MUC21: variants seen among roughly 807,000 people sequenced by gnomAD.
MUC21 encodes mucin-21.
In MUC21, 8 loss-of-function variants were observed where a neutral mutation model predicts 9.1. The observed-to-expected ratio is 0.88, with a 90% CI of 0.52 to 1.59. The LOEUF is 1.59. MUC21 is among the 40% of genes most tolerant of loss of function. The probability of loss-of-function intolerance (pLI) is 0.00; values close to 1 mark genes in which losing one functional copy is unlikely to be tolerated. For missense variants in MUC21, 478 were observed against 694.2 expected, an observed-to-expected ratio of 0.69 and a Z score of 3.50; for synonymous variants, 189 against 275.2, an observed-to-expected ratio of 0.69 and a Z score of 3.10.
At chr6:30,984,324 A>G (rs927025699) in intron 1 of MUC21, among the ~76,000 whole-genome samples, 1 of 152,150 alleles carries the variant, frequency 6.6e-6, no homozygotes, top group South Asian at 2.1e-4. Flanking sequence ...AACCTGTGTA[A>G]TATGGTTGGG....
intron 2 of MUC21, 150 bp downstream of exon 2, chr6:30,987,831 C>A: frequency 7.2e-7 from 1 of 1,385,504 alleles, no homozygotes; most frequent in Non-Finnish European, 9.7e-7. Context: ...TAGGTCAATG[C>A]AGAGGAAGCT....
rs1338198247 is a variant in MUC21 at position 30,988,396 on chromosome 6, A to G, written c.*202A>G. 1.8e-6 allele frequency: 1 copy of G among 562,224 alleles called. No homozygotes were observed. The allele number at this position is 562,224 out of a possible 1,614,324, so 34.8% of individuals were successfully genotyped here. On this transcript the variant is annotated 3_prime_UTR_variant, in exon 3 of 3. Coordinates refer to ENST00000376296, the MANE Select transcript of MUC21 (RefSeq NM_001010909.5). ...TATATTGCTCATTTAGCTAAGAAAT[A>G]AATACATCTCATCTAACACACACGA... is the stretch of plus-strand genomic sequence containing the variant.
intron 2 of MUC21, 50 bp from the exon 3 acceptor site, chr6:30,987,950 C>T (rs371324624): frequency 2.8e-4 from 273 of 980,036 alleles, no homozygotes; most frequent in Non-Finnish European, 3.6e-4. Flanking sequence ...GTGGTAAAGG[C>T]GTGGGAGACA....
chr6:30,987,033 C>G lies in MUC21; in HGVS notation c.858C>G (p.Thr286=), dbSNP rs770877749. ...STVSSGISTV[T]NSESSTPSSG... ...TGTCCAGTGGGATCAGCACAGTCAC[C>G]AATTCTGAGTCCAGCACACCCTCCA... is the stretch of plus-strand genomic sequence containing the variant. The change falls in exon 2 of 3, where the codon ACC becomes ACG. Residue 286 remains threonine (T), a synonymous_variant. Transcript: ENST00000376296. 6.2e-7 allele frequency: 1 copy of G among 1,605,984 alleles called. No individual in the cohort carries two copies. Among genetic ancestry groups the G allele is most frequent in the African/African-American group, 1.3e-5 (1 of 74,086 alleles).
Position 30,988,017 on chromosome 6 carries a change from G to C in MUC21, c.1524G>C (p.Leu508=). 1 of 1,260,866 alleles carries C rather than the reference G, an allele frequency of 7.9e-7. No individual in the cohort carries two copies. The highest frequency in any genetic ancestry group is 1.2e-6 in the Non-Finnish European group (1 of 858,616). The allele number at this position is 1,260,866 out of a possible 1,614,324, so 78.1% of individuals were successfully genotyped here. A position where few individuals can be genotyped will look rare whatever the true frequency, so the allele number is the denominator to read the frequency against. ...LFFCVRNSLS[L]RNTFNTAVYH... ...TTTTTTAGAGAAACAGCCTGTCCCTGAGAAACACCTTTAACACAGCTGTCT... is the reference window on the plus strand; with the variant it reads ...TTTTTTAGAGAAACAGCCTGTCCCTCAGAAACACCTTTAACACAGCTGTCT... The change falls in exon 3 of 3, where the codon CTG becomes CTC. Residue 508 remains leucine, a synonymous_variant. Coordinates refer to ENST00000376296, the MANE Select transcript of MUC21 (RefSeq NM_001010909.5).
Position 30,988,192 on chromosome 6 carries a change from T to C in MUC21, c.1699T>C (p.Ter567ArgextTer64). Residue 567 changes from the stop codon to arginine (R), a stop_lost, in exon 3 of 3, where the codon TGA becomes CGA. Coordinates refer to ENST00000376296, the MANE Select transcript of MUC21 (RefSeq NM_001010909.5). The part of the protein sequence containing the change: ...MEMSGRNSGP[*>R] ...GATGAGCGGGAGGAACAGCGGGCCC[T>C]GAGCAGCCCCGGAAGCAAGTGCCGC... The C allele has an allele frequency of 6.2e-7, 1 of 1,608,904 alleles. No homozygotes were observed. Among genetic ancestry groups the C allele is most frequent in the Non-Finnish European group, 8.5e-7 (1 of 1,178,624 alleles).
chr6:30,984,674 A>AAATAAAAT (rs1234538901), intron 1 of MUC21, among the ~76,000 whole-genome samples: 1 of 151,694 alleles, frequency 6.6e-6, no homozygotes, highest in Non-Finnish European at 1.5e-5. Flanking sequence ...TGTCTCAAAA[A>AAATAAAAT]AATAAAATAA....
intron 1 of MUC21, among the ~76,000 whole-genome samples, chr6:30,985,542 T>C (rs1050871219): frequency 4.6e-5 from 7 of 152,242 alleles, no homozygotes; most frequent in Non-Finnish European, 1.0e-4. Context: ...AATTGATCAG[T>C]ATATACTAGT....
intron 1 of MUC21, 59 bp from the exon 2 acceptor site, chr6:30,986,178 A>T: frequency 7.0e-7 from 1 of 1,423,426 alleles, no homozygotes; most frequent in Non-Finnish European, 9.6e-7. Flanking sequence ...AATTTAGCCA[A>T]GCAATAAGCA....
At chr6:30,987,784 G>A (rs1762449093) in intron 2 of MUC21, 103 bp downstream of exon 2, 3 of 1,509,372 alleles carry the variant, frequency 2.0e-6, no homozygotes, top group African/African-American at 2.8e-5. Flanking sequence ...TGGGTAGGGA[G>A]GAAGGGAGAT....
rs569675461 is a variant in MUC21 at position 30,987,170 on chromosome 6, A to G, written c.995A>G (p.Asn332Ser). 6.3e-7 allele frequency: 1 copy of G among 1,599,708 alleles called. No homozygotes were observed. Among genetic ancestry groups the G allele is most frequent in the South Asian group, 1.1e-5 (1 of 90,494 alleles). The change falls in exon 2 of 3, where the codon AAC becomes AGC. Residue 332 changes from asparagine to serine, a missense_variant. Transcript: ENST00000376296. ...TTSSGASTAT[N>S]SESSTTSSGA... is the part of the protein sequence containing the mutation. ...TCCAGTGGGGCCAGCACAGCCACCA[A>G]CTCTGAGTCCAGCACGACCTCCAGT...
chr6:30,986,007 C>T (rs1193289426), intron 1 of MUC21, among the ~76,000 whole-genome samples: 1 of 152,140 alleles, frequency 6.6e-6, no homozygotes, highest in African/African-American at 2.4e-5. Context: ...TCAGGTGATC[C>T]GCCCACCTTG....
rs1762531155 is a variant in MUC21, at chr6:30,989,399, A to G, written c.*1205A>G. On this transcript the variant is annotated 3_prime_UTR_variant, in exon 3 of 3. Transcript: ENST00000376296. ...CAATCATAGCTCATTGCAGCCTTCA[A>G]TTCCTGGGCTCAGGCAATCCTCCTG... 1 of 152,042 alleles carries G rather than the reference A, an allele frequency of 6.6e-6. No homozygotes were observed. The highest frequency in any genetic ancestry group is 2.1e-4 in the South Asian group (1 of 4,822). 9.4% of individuals were successfully genotyped at this position (152,042 alleles called of 1,614,324 possible).
In MUC21 at chr6:30,988,444, C is replaced by T. The variant is rs760272681; in HGVS notation, c.*250C>T. On this transcript the variant is annotated 3_prime_UTR_variant, in exon 3 of 3. Coordinates refer to ENST00000376296, the MANE Select transcript of MUC21 (RefSeq NM_001010909.5). ...CGACAAAGAGAAGCTGTGCGTGCCCCGGGGTGGGTATCTAGCTCTGAGATG... is the reference window on the plus strand; with the variant it reads ...CGACAAAGAGAAGCTGTGCGTGCCCTGGGGTGGGTATCTAGCTCTGAGATG... 8.9e-5 allele frequency: 40 copies of T among 448,872 alleles called. No homozygotes were observed. Among genetic ancestry groups the T allele is most frequent in the African/African-American group, 1.4e-4 (7 of 49,578 alleles). 27.8% of individuals were successfully genotyped at this position (448,872 alleles called of 1,614,324 possible). A position where few individuals can be genotyped will look rare whatever the true frequency, so the allele number is the denominator to read the frequency against.
chr6:30,986,195 AT>A, intron 1 of MUC21, 41 bp from the exon 2 acceptor site: 1 of 1,533,824 alleles, frequency 6.5e-7, no homozygotes, highest in South Asian at 1.2e-5. Flanking sequence ...AGCAGAAAGT[AT>A]ATACACACAA....
At chr6:30,985,245 C>T (rs1271484972) in intron 1 of MUC21, among the ~76,000 whole-genome samples, 2 of 152,124 alleles carry the variant, frequency 1.3e-5, no homozygotes, top group East Asian at 3.8e-4. Context: ...GTTTACAGCC[C>T]TTATTCCTGG....
rs1762464003 is a variant in MUC21 at position 30,988,094 on chromosome 6, A to C, written c.1601A>C (p.His534Pro). The part of the protein sequence containing the change: ...HGLGPGPGGN[H>P]GAPHRPRWSP... ...CTTGGTCCAGGCCCTGGAGGGAATCATGGAGCCCCCCACAGGCCCAGGTGG... is the reference window on the plus strand; with the variant it reads ...CTTGGTCCAGGCCCTGGAGGGAATCCTGGAGCCCCCCACAGGCCCAGGTGG... Residue 534 changes from histidine (H) to proline (P), a missense_variant, in exon 3 of 3, where the codon CAT becomes CCT. Around this residue, in one of 5 missense-constraint regions of MUC21, gnomAD observed 158 missense variants for 192.6 expected, o/e 0.82. Coordinates refer to ENST00000376296, the MANE Select transcript of MUC21 (RefSeq NM_001010909.5). 2 of 1,611,544 alleles carry C rather than the reference A, an allele frequency of 1.2e-6. No individual in the cohort carries two copies. Among genetic ancestry groups the C allele is most frequent in the Non-Finnish European group, 1.7e-6 (2 of 1,178,794 alleles).
chr6:30,983,877 C>G lies in MUC21; in HGVS notation c.-82C>G. 1 of 717,626 alleles carries G rather than the reference C, an allele frequency of 1.4e-6. No homozygotes were observed. The highest frequency in any genetic ancestry group is 2.6e-6 in the Non-Finnish European group (1 of 389,522). 44.5% of individuals were successfully genotyped at this position (717,626 alleles called of 1,614,324 possible). A position where few individuals can be genotyped will look rare whatever the true frequency, so the allele number is the denominator to read the frequency against. On this transcript the variant is annotated 5_prime_UTR_variant, in exon 1 of 3. Coordinates refer to ENST00000376296, the MANE Select transcript of MUC21 (RefSeq NM_001010909.5). ...CTCTTCACCTTCAAGTCCCCTTTCT[C>G]AAGAATCCTCTGTTCTTTGCCCTCT...
intron 1 of MUC21, among the ~76,000 whole-genome samples, chr6:30,985,750 G>A (rs1168131285): frequency 6.6e-6 from 1 of 152,142 alleles, no homozygotes; most frequent in Non-Finnish European, 1.5e-5. Context: ...CCACTCACTA[G>A]CTGTGTAAAC....
Sources: allele counts gnomAD v4.1 joint callset (sites outside exome capture counted in the v4.1 genomes callset), GRCh38; gene constraint gnomAD v4.1.1; regional missense constraint gnomAD v4.1.1; transcripts MANE v1.5; gene names NCBI Gene and HGNC (gene_info 2026-07-23, HGNC 2026-07-21).